Variants in FGF1 observed in about 807,000 individuals in gnomAD.
FGF1 encodes the protein fibroblast growth factor 1.
Under a neutral mutation model 13.4 loss-of-function variants are expected in FGF1, and 9 were observed. That is an observed-to-expected ratio of 0.67 (90% CI 0.40 to 1.17). The LOEUF (loss-of-function observed/expected upper bound fraction) is 1.17, where lower values mean the gene tolerates loss of function less well. FGF1 is among the 50% of genes most tolerant of loss of function. The pLI is 0.01. For missense variants in FGF1, 156 were observed against 192.7 expected (o/e 0.81, Z 1.13); for synonymous variants, 93 against 79.0 (o/e 1.18, Z -0.94).
chr5:142,640,419 A>C (rs1420561122), intron 1 of FGF1, among the ~76,000 whole-genome samples: 1 of 50,272 alleles, frequency 2.0e-5, no homozygotes, highest in Non-Finnish European at 4.4e-5. Context: ...CAGGAGGTGG[A>C]GTATGGTGGG....
intron 1 of FGF1, among the ~76,000 whole-genome samples, chr5:142,619,574 C>A (rs373607823): frequency 2.6e-5 from 4 of 152,124 alleles, no homozygotes; most frequent in Non-Finnish European, 5.9e-5. Flanking sequence ...TTAGTCCAAG[C>A]GGCAACTGGT....
chr5:142,615,073 T>C (rs1434247640), intron 1 of FGF1, among the ~76,000 whole-genome samples: 3 of 152,066 alleles, frequency 2.0e-5, no homozygotes, highest in Non-Finnish European at 4.4e-5. Context: ...CACTTACACC[T>C]CAAAGGATTA....
intron 2 of FGF1, among the ~76,000 whole-genome samples, chr5:142,694,855 G>A (rs1030950356): frequency 2.7e-5 from 4 of 146,994 alleles, no homozygotes; most frequent in Non-Finnish European, 5.9e-5. Flanking sequence ...GGGCAGGGGA[G>A]TGACCCCTCA....
intron 1 of FGF1, among the ~76,000 whole-genome samples, chr5:142,663,022 C>T (rs372271366): frequency 6.6e-6 from 1 of 152,048 alleles, no homozygotes; most frequent in African/African-American, 2.4e-5. Context: ...TGGGGTCTTG[C>T]CGTGTTGCCC....
intron 1 of FGF1, among the ~76,000 whole-genome samples, chr5:142,667,479 G>A (rs1770617061): frequency 2.0e-5 from 3 of 151,680 alleles, no homozygotes; most frequent in South Asian, 4.2e-4. Context: ...CCAGCTACTT[G>A]GGAGGCTGAG....
intron 1 of FGF1, among the ~76,000 whole-genome samples, chr5:142,672,183 A>AT (rs1178175868): frequency 6.6e-6 from 1 of 152,250 alleles, no homozygotes; most frequent in Non-Finnish European, 1.5e-5. Flanking sequence ...CTGAAAAGGC[A>AT]TAAATCAATG....
chr5:142,618,924 G>GTTTTTTTTTTTTTTTTTTTTTTTTTTTTT (rs1187824250), intron 1 of FGF1, among the ~76,000 whole-genome samples: 1 of 78,324 alleles, frequency 1.3e-5, no homozygotes, highest in African/African-American at 4.7e-5. Context: ...TTTTTTAGTT[G>GTTTTTTTTTTTTTTTTTTTTTTTTTTTTT]TTTTGTTTTT....
At chr5:142,655,854 C>T (rs1345732508) in intron 1 of FGF1, among the ~76,000 whole-genome samples, 7 of 152,298 alleles carry the variant, frequency 4.6e-5, no homozygotes, top group Non-Finnish European at 2.9e-5. Context: ...CAGGGGAGCC[C>T]GCAGCCAGAA....
upstream of FGF1, among the ~76,000 whole-genome samples, chr5:142,688,040 T>C (rs2152065008): frequency 6.6e-6 from 1 of 152,326 alleles, no homozygotes; most frequent in South Asian, 2.1e-4. Context: ...AAGTCATTAT[T>C]TTATTTTATT....
At chr5:142,663,084 A>C (rs1441927528) in intron 1 of FGF1, among the ~76,000 whole-genome samples, 2 of 152,166 alleles carry the variant, frequency 1.3e-5, no homozygotes, top group Non-Finnish European at 2.9e-5. Context: ...TCAGTCTCCC[A>C]AAGTGCTGGG....
chr5:142,620,495 A>G (rs1490273791), intron 1 of FGF1, among the ~76,000 whole-genome samples: 2 of 152,224 alleles, frequency 1.3e-5, no homozygotes, highest in Non-Finnish European at 2.9e-5. Context: ...ATGACTAAAG[A>G]TAAAAGGGAT....
intron 1 of FGF1, among the ~76,000 whole-genome samples, chr5:142,656,397 T>A (rs1054199897): frequency 5.9e-5 from 9 of 152,234 alleles, no homozygotes; most frequent in South Asian, 2.1e-4. Flanking sequence ...GTTTTCCATT[T>A]ACATGCCTCC....
upstream of FGF1, among the ~76,000 whole-genome samples, chr5:142,686,706 C>T (rs914664691): frequency 4.6e-5 from 7 of 152,086 alleles, no homozygotes; most frequent in East Asian, 9.6e-4. Flanking sequence ...TGTGCCATCC[C>T]CAGAGCCAAG....
intron 2 of FGF1, among the ~76,000 whole-genome samples, chr5:142,609,141 A>C (rs1431669096): frequency 6.6e-6 from 1 of 152,214 alleles, no homozygotes; most frequent in Non-Finnish European, 1.5e-5. Flanking sequence ...TTTCATGAAG[A>C]GGAATCTGCC....
At chr5:142,619,909 ATAAAG>A (rs1198985873) in intron 1 of FGF1, among the ~76,000 whole-genome samples, 5 of 152,138 alleles carry the variant, frequency 3.3e-5, no homozygotes, top group African/African-American at 9.7e-5. Flanking sequence ...AAAAAAGAAA[ATAAAG>A]TAAAAAAATT....
intron 1 of FGF1, among the ~76,000 whole-genome samples, chr5:142,664,330 T>G (rs1181491309): frequency 6.6e-6 from 1 of 152,136 alleles, no homozygotes; most frequent in Non-Finnish European, 1.5e-5. Flanking sequence ...CAAGGACAGA[T>G]CTAGGCTCTG....
At chr5:142,626,351 T>C (rs996157606) in intron 1 of FGF1, among the ~76,000 whole-genome samples, 1 of 152,094 alleles carries the variant, frequency 6.6e-6, no homozygotes, top group East Asian at 1.9e-4. Context: ...GCTCAGAAAG[T>C]TTATGTCACT....
At chr5:142,661,207 C>T (rs888115900) in intron 1 of FGF1, among the ~76,000 whole-genome samples, 3 of 152,200 alleles carry the variant, frequency 2.0e-5, no homozygotes, top group Non-Finnish European at 4.4e-5. Context: ...AGCTGCCTCA[C>T]AAACATGATG....
intron 1 of FGF1, among the ~76,000 whole-genome samples, chr5:142,646,704 G>A (rs1008886595): frequency 4.0e-5 from 6 of 151,874 alleles, no homozygotes; most frequent in African/African-American, 1.5e-4. Flanking sequence ...ATCTTGGCCT[G>A]GCTGGTCTTG....
Sources: gnomAD v4.1 joint callset for allele counts (sites outside exome capture counted in the v4.1 genomes callset) on GRCh38, gnomAD v4.1.1 for gene constraint, MANE v1.5 for transcripts, NCBI Gene and HGNC (gene_info 2026-07-23, HGNC 2026-07-21) for gene names.